TENM3: variants seen among roughly 807,000 people sequenced by gnomAD.
TENM3 encodes teneurin transmembrane protein 3.
In TENM3, 63 loss-of-function variants were observed where a neutral mutation model predicts 255.1. The ratio of observed to expected loss-of-function variants is 0.25; its 90% CI spans 0.20 to 0.30. The LOEUF is 0.30. Among genes scored for constraint, TENM3 ranks in the 10% least tolerant of loss-of-function variants. TENM3 has a pLI of 1.00. For missense variants in TENM3, 2,929 were observed against 3,461.1 expected, an observed-to-expected ratio of 0.85 and a Z score of 3.86; for synonymous variants, 1,306 against 1,322.3, an observed-to-expected ratio of 0.99 and a Z score of 0.27.
chr4:182,406,782 C>G (rs1207737680), intron 3 of TENM3, among the ~76,000 whole-genome samples: 1 of 152,204 alleles, frequency 6.6e-6, no homozygotes, highest in African/African-American at 2.4e-5. Flanking sequence ...TTGTACATAG[C>G]AGAACATTCT....
intron 3 of TENM3, among the ~76,000 whole-genome samples, chr4:182,349,639 G>T (rs1049453343): frequency 1.3e-5 from 2 of 151,960 alleles, no homozygotes; most frequent in African/African-American, 4.8e-5. Flanking sequence ...ATAAATAATC[G>T]TCTCAAAACT....
the TENM3 span, among the ~76,000 whole-genome samples, chr4:181,886,203 C>A: frequency 6.6e-6 from 1 of 152,084 alleles, no homozygotes; most frequent in Non-Finnish European, 1.5e-5. Context: ...CAGGCGCGTG[C>A]CACCACACCC....
chr4:181,491,096 T>TA, the TENM3 span, among the ~76,000 whole-genome samples: 7 of 151,894 alleles, frequency 4.6e-5, no homozygotes, highest in East Asian at 1.9e-4. Context: ...TACGAATGCC[T>TA]AAAAAAAATC....
the TENM3 span, among the ~76,000 whole-genome samples, chr4:181,941,389 C>G: frequency 6.6e-6 from 1 of 151,608 alleles, no homozygotes; most frequent in African/African-American, 2.4e-5. Context: ...TTCTGGATGA[C>G]TTCCTTAAAT....
chr4:182,541,745 A>G (rs979677434), intron 3 of TENM3, among the ~76,000 whole-genome samples: 1 of 152,156 alleles, frequency 6.6e-6, no homozygotes, highest in Admixed American at 6.5e-5. Flanking sequence ...GTAACATTTA[A>G]TAAGCTATCA....
intron 3 of TENM3, among the ~76,000 whole-genome samples, chr4:182,387,711 G>A (rs1768064105): frequency 6.6e-6 from 1 of 151,850 alleles, no homozygotes; most frequent in African/African-American, 2.4e-5. Flanking sequence ...AACACTCACC[G>A]CGAAGGTCTG....
At chr4:181,522,310 T>TG in the TENM3 span, among the ~76,000 whole-genome samples, 1 of 152,132 alleles carries the variant, frequency 6.6e-6, no homozygotes, top group Non-Finnish European at 1.5e-5. Flanking sequence ...CTTGTACACC[T>TG]GGTCAAAGAG....
the TENM3 span, among the ~76,000 whole-genome samples, chr4:182,108,383 G>A: frequency 6.6e-6 from 1 of 152,246 alleles, no homozygotes; most frequent in East Asian, 1.9e-4. Context: ...TTTTTCCTTC[G>A]TTTCCTGGAA....
intron 3 of TENM3, among the ~76,000 whole-genome samples, chr4:182,595,884 T>C (rs1194872330): frequency 6.6e-6 from 1 of 150,760 alleles, no homozygotes; most frequent in African/African-American, 2.4e-5. Context: ...TATTATTTTA[T>C]AGCTTTCATT....
intron 3 of TENM3, among the ~76,000 whole-genome samples, chr4:182,496,856 A>G (rs13108320): frequency 0.82 from 124,198 of 152,142 alleles, 50,864 homozygotes; most frequent in East Asian, 0.9. Flanking sequence ...AGAAGTAGCT[A>G]AAATGATTGA....
chr4:181,700,892 C>A, the TENM3 span, among the ~76,000 whole-genome samples: 1 of 152,138 alleles, frequency 6.6e-6, no homozygotes, highest in African/African-American at 2.4e-5. Context: ...TTTGGATGAA[C>A]TTCGATTTCA....
chr4:181,666,241 C>G, the TENM3 span, among the ~76,000 whole-genome samples: 1 of 152,180 alleles, frequency 6.6e-6, no homozygotes, highest in African/African-American at 2.4e-5. Flanking sequence ...AATTGTTATA[C>G]TGTCCATGTC....
At chr4:182,255,878 T>G (rs2150136699) in intron 1 of TENM3, among the ~76,000 whole-genome samples, 1 of 152,376 alleles carries the variant, frequency 6.6e-6, no homozygotes, top group South Asian at 2.1e-4. Context: ...GTTGGATATA[T>G]TCAACCCTTC....
At chr4:182,491,642 GTCTTT>G (rs1462594073) in intron 3 of TENM3, among the ~76,000 whole-genome samples, 3 of 152,088 alleles carry the variant, frequency 2.0e-5, no homozygotes, top group Non-Finnish European at 4.4e-5. Context: ...ATTTTTTCCA[GTCTTT>G]TCTTTTAAAG....
the TENM3 span, among the ~76,000 whole-genome samples, chr4:181,844,464 C>G: frequency 1.3e-5 from 2 of 151,906 alleles, no homozygotes; most frequent in African/African-American, 4.8e-5. Flanking sequence ...GTCAGGAGAT[C>G]GAGACCATCT....
intron 4 of TENM3, among the ~76,000 whole-genome samples, chr4:182,608,960 T>G (rs1052678332): frequency 9.9e-5 from 15 of 152,130 alleles, no homozygotes; most frequent in Non-Finnish European, 1.8e-4. Context: ...TGGAACCTAC[T>G]GTAGGTAGTA....
the TENM3 span, among the ~76,000 whole-genome samples, chr4:182,092,110 C>G: frequency 6.6e-6 from 1 of 151,562 alleles, no homozygotes; most frequent in Non-Finnish European, 1.5e-5. Flanking sequence ...GAGGCCAAGG[C>G]GGGTGGATCA....
At chr4:181,538,361 T>C in the TENM3 span, among the ~76,000 whole-genome samples, 2 of 152,148 alleles carry the variant, frequency 1.3e-5, no homozygotes, top group African/African-American at 4.8e-5. Context: ...AAAAATGTCT[T>C]TATTAAGTGC....
the TENM3 span, among the ~76,000 whole-genome samples, chr4:182,068,652 A>C: frequency 6.6e-6 from 1 of 152,170 alleles, no homozygotes; most frequent in Non-Finnish European, 1.5e-5. Context: ...AAATAAGAAG[A>C]TGAACCTTTC....
Sources: allele counts gnomAD v4.1 joint callset (sites outside exome capture counted in the v4.1 genomes callset), GRCh38; gene constraint gnomAD v4.1.1; transcripts MANE v1.5; gene names NCBI Gene and HGNC (gene_info 2026-07-23, HGNC 2026-07-21).